PYCR2: variants seen among roughly 807,000 people sequenced by gnomAD.
The protein encoded by PYCR2 is pyrroline-5-carboxylate reductase 2, also known as P5C reductase 2.
Under a neutral mutation model 23.4 loss-of-function variants are expected in PYCR2, and 17 were observed. The observed-to-expected ratio is 0.73, with a 90% CI of 0.50 to 1.09. The LOEUF (loss-of-function observed/expected upper bound fraction) is 1.09, where lower values mean the gene tolerates loss of function less well. Among genes scored for constraint, PYCR2 ranks in the 50% least tolerant of loss-of-function variants. The pLI, the probability that PYCR2 is intolerant of heterozygous loss-of-function variation, is 0.00. For missense variants in PYCR2, 380 were observed against 423.5 expected (o/e 0.90, Z 0.90); for synonymous variants, 172 against 176.6 (o/e 0.97, Z 0.21).
chr1:225,923,615 C>T, intron 2 of PYCR2, 86 bp downstream of exon 2: 2 of 1,603,546 alleles, frequency 1.2e-6, no homozygotes, highest in South Asian at 2.2e-5. Flanking sequence ...AGCACTTGGG[C>T]GCAGGGGCCG....
intron 6 of PYCR2, 66 bp from the exon 7 acceptor site, chr1:225,920,686 C>A (rs1671812857): frequency 6.5e-7 from 1 of 1,533,772 alleles, no homozygotes; most frequent in African/African-American, 1.4e-5. Flanking sequence ...CTTTGAGTCT[C>A]CACTATCCAC....
intron 2 of PYCR2, 49 bp downstream of exon 2, chr1:225,923,652 C>G: frequency 6.2e-7 from 1 of 1,612,704 alleles, no homozygotes; most frequent in Non-Finnish European, 8.5e-7. Flanking sequence ...CTCAGGTCAT[C>G]CTTTTCCTGG....
At chr1:225,922,612 G>T (rs1671873401) in intron 2 of PYCR2, 1 of 532,076 alleles carries the variant, frequency 1.9e-6, no homozygotes, top group African/African-American at 1.9e-5. Flanking sequence ...ATGGTAACCA[G>T]GAAGTGGCTG....
Position 225,921,685 on chromosome 1 carries a change from A to G in PYCR2, c.541-41T>C, listed in dbSNP as rs1321993818. ...CTAAGCCCCAGGCCATAGGCACTGA[A>G]GGGCCTTTCCTTAGGTCTGCTTTCT... On this transcript the variant is annotated intron_variant, in intron 4 of 6. Coordinates refer to ENST00000343818, the MANE Select transcript of PYCR2 (RefSeq NM_013328.4). This position sits in a 1 kb window ranked among gnomAD's most constrained non-coding sequence, Gnocchi z 4.2. 5.0e-6 allele frequency: 8 copies of G among 1,608,916 alleles called. No individual in the cohort carries two copies. The highest frequency in any genetic ancestry group is 6.8e-6 in the Non-Finnish European group (8 of 1,175,368).
rs532749025 is a variant in PYCR2, at chr1:225,922,873, G to C, written c.139-490C>G. On this transcript the variant is annotated intron_variant, in intron 2 of 6. Transcript: ENST00000343818. ...TGAGAAGCAGGACCCTCCAGTGCTA[G>C]GGACATCAGCCCACCCTAGGCACAG... 5 of 518,696 alleles carry C rather than the reference G, an allele frequency of 9.6e-6. No individual in the cohort carries two copies. In the South Asian group the frequency reaches 3.9e-4, roughly 41 times the overall value. The allele number at this position is 518,696 out of a possible 1,614,324, so 32.1% of individuals were successfully genotyped here.
At position 225,922,291 on chromosome 1, in the gene PYCR2, G is replaced by T; in HGVS notation, c.231C>A (p.Phe77Leu). ...FLAVKPHIIP[F>L]ILDEIGADVQ... Reference sequence around the variant, plus strand: ...CGTCGGCCCCAATCTCATCCAGGATGAAGGGGATGATATGTGGCTTCACAG... The same window carrying T: ...CGTCGGCCCCAATCTCATCCAGGATTAAGGGGATGATATGTGGCTTCACAG... Residue 77 changes from phenylalanine to leucine, a missense_variant, in exon 3 of 7, where the codon TTC becomes TTA. Phe to Leu is a conservative substitution (Grantham distance 22). Coordinates refer to ENST00000343818, the MANE Select transcript of PYCR2 (RefSeq NM_013328.4). 1 of 1,614,222 alleles carries T rather than the reference G, an allele frequency of 6.2e-7. No individual in the cohort carries two copies. Among genetic ancestry groups the T allele is most frequent in the African/African-American group, 1.3e-5 (1 of 75,050 alleles).
rs78056710 is a variant in PYCR2 at position 225,923,851 on chromosome 1, C to T, written c.68-80G>A. The T allele has an allele frequency of 0.012, 18,836 of 1,589,750 alleles. 1,165 individuals carry two copies. The Admixed American group carries it at 0.16, about 13-fold the overall frequency. ...TTTCCCTGGCTCTAAAACCCAGAGCCGTCCTAACAGTGCCAGTCTCCCTCT... is the reference window on the plus strand; with the variant it reads ...TTTCCCTGGCTCTAAAACCCAGAGCTGTCCTAACAGTGCCAGTCTCCCTCT... On this transcript the variant is annotated intron_variant, in intron 1 of 6. Coordinates refer to ENST00000343818, the MANE Select transcript of PYCR2 (RefSeq NM_013328.4).
chr1:225,923,003 G>C, intron 2 of PYCR2: 2 of 978,772 alleles, frequency 2.0e-6, no homozygotes, highest in Non-Finnish European at 2.4e-6. Flanking sequence ...TAACTCACCA[G>C]ATTCTTCCCA....
Position 225,921,271 on chromosome 1 carries a change from AG to A in PYCR2, c.733del (p.Leu245Ter). On this transcript the variant is annotated frameshift_variant, in exon 6 of 7. Coordinates refer to ENST00000343818, the MANE Select transcript of PYCR2 (RefSeq NM_013328.4). LOFTEE classifies it high-confidence loss of function. This position sits in a 1 kb window ranked among gnomAD's most constrained non-coding sequence, Gnocchi z 4.2. ...GGATIHALHF[L>X]ESGGFRSLLI... is the part of the protein sequence containing the mutation. ...CAGAGAGCGGAAGCCCCCACTCTCT[AG>A]AAAGTGCAGGGCGTGGATGGTGGCT... The A allele has an allele frequency of 6.2e-7, 1 of 1,613,836 alleles. No homozygotes were observed. Among genetic ancestry groups the A allele is most frequent in the South Asian group, 1.1e-5 (1 of 91,074 alleles).
chr1:225,923,526 C>G, intron 2 of PYCR2, 175 bp downstream of exon 2: 1 of 1,451,908 alleles, frequency 6.9e-7, no homozygotes, highest in Non-Finnish European at 9.1e-7. Context: ...CCTGGGTGTT[C>G]CCACCACATT....
intron 1 of PYCR2, 136 bp from the exon 2 acceptor site, chr1:225,923,907 G>A: frequency 1.4e-6 from 2 of 1,465,434 alleles, no homozygotes; most frequent in Non-Finnish European, 9.3e-7. Context: ...GACAGAAGAC[G>A]CACTTGCTGC....
chr1:225,923,576 G>A, intron 2 of PYCR2, 125 bp downstream of exon 2: 1 of 1,552,992 alleles, frequency 6.4e-7, no homozygotes, highest in Non-Finnish European at 8.7e-7. Context: ...TCACGTTCCT[G>A]GAGTAAAGGT....
Position 225,920,037 on chromosome 1 carries a change from T to A in PYCR2, c.*418A>T, listed in dbSNP as rs1029042303. On this transcript the variant is annotated 3_prime_UTR_variant, in exon 7 of 7. Coordinates refer to ENST00000343818, the MANE Select transcript of PYCR2 (RefSeq NM_013328.4). ...CTTAAGTTGCTCACTTCTTTCCCAT[T>A]TACCAATTCAGAGAAAGCCCGTTTC... is the stretch of plus-strand genomic sequence containing the variant. 2 of 157,442 alleles carry A rather than the reference T, an allele frequency of 1.3e-5. No homozygotes were observed. Among genetic ancestry groups the A allele is most frequent in the African/African-American group, 4.8e-5 (2 of 41,564 alleles). 9.8% of individuals were successfully genotyped at this position (157,442 alleles called of 1,614,324 possible). A position where few individuals can be genotyped will look rare whatever the true frequency, so the allele number is the denominator to read the frequency against.
At position 225,922,062 on chromosome 1, in the gene PYCR2, C is replaced by G. The variant is rs756981499; in HGVS notation, c.336G>C (p.Gln112His). Residue 112 changes from glutamine to histidine, a missense_variant, in exon 4 of 7, where the codon CAG (glutamine) becomes CAC (histidine). Physicochemically the swap from Gln to His is conservative, Grantham distance 24. Transcript: ENST00000343818. ...SSVEKKLMAFQPAPKVIRCMT... is the reference protein window; with the variant it reads ...SSVEKKLMAFHPAPKVIRCMT... ...TGCAGCGAATCACTTTGGGGGCTGGCTGGAATGCCATCAGCTTCTAGGGTG... is the reference window on the plus strand; with the variant it reads ...TGCAGCGAATCACTTTGGGGGCTGGGTGGAATGCCATCAGCTTCTAGGGTG... The G allele has an allele frequency of 1.2e-6, 2 of 1,614,040 alleles. No homozygotes were observed. The highest frequency in any genetic ancestry group is 3.3e-5 in the Admixed American group (2 of 60,006).
intron 6 of PYCR2, 83 bp from the exon 7 acceptor site, chr1:225,920,703 C>T: frequency 6.7e-7 from 1 of 1,497,070 alleles, no homozygotes; most frequent in South Asian, 1.2e-5. Flanking sequence ...CCACACAACC[C>T]TCAAGCTTGT....
intron 2 of PYCR2, 102 bp downstream of exon 2, chr1:225,923,599 A>C (rs1671909015): frequency 3.1e-6 from 5 of 1,592,814 alleles, no homozygotes; most frequent in Non-Finnish European, 4.3e-6. Flanking sequence ...CCGCCGGCCA[A>C]AGACCAGCAC....
rs1671925513 is a variant in PYCR2, at chr1:225,924,064, G to A, written c.47C>T (p.Ala16Val). ...CTTGCCTGCGGCCGTGAAGCCCCGC[G>A]CCAGAGCATAGGCCAGCTGGCCGGC... ...IGAGQLAYAL[A>V]RGFTAAGILS... The change falls in exon 1 of 7, where the codon GCG (alanine) becomes GTG (valine). Residue 16 changes from alanine to valine, a missense_variant. Coordinates refer to ENST00000343818, the MANE Select transcript of PYCR2 (RefSeq NM_013328.4). The A allele has an allele frequency of 1.9e-6, 3 of 1,543,390 alleles. No individual in the cohort carries two copies. The highest frequency in any genetic ancestry group is 1.2e-5 in the South Asian group (1 of 84,218).
intron 2 of PYCR2, chr1:225,923,041 A>C (rs1235904998): frequency 4.1e-6 from 4 of 974,766 alleles, no homozygotes; most frequent in Admixed American, 6.1e-5. Flanking sequence ...TCAGAATAAC[A>C]GCAAAGTGGC....
intron 1 of PYCR2, 47 bp downstream of exon 1, chr1:225,923,990 CCCCTCGG>C: frequency 6.5e-7 from 1 of 1,527,522 alleles, no homozygotes; most frequent in African/African-American, 1.4e-5. Flanking sequence ...GGACGGAGGC[CCCCTCGG>C]GCCTCGGGAC....
Sources: allele counts gnomAD v4.1 joint callset, GRCh38; gene constraint gnomAD v4.1.1; non-coding constraint Gnocchi (gnomAD v3.1); transcripts MANE v1.5; gene names NCBI Gene and HGNC (gene_info 2026-07-23, HGNC 2026-07-21).